The following TCERG1L variants were observed in gnomAD, a reference collection of about 807,000 sequenced individuals.
TCERG1L encodes the protein transcription elongation regulator 1-like protein.
TCERG1L carries 37 observed loss-of-function variants against 56.3 expected under a neutral mutation model. That is an observed-to-expected ratio of 0.66 (90% CI 0.51 to 0.87). The LOEUF is 0.87. Ranked by LOEUF, TCERG1L falls within the 40% of genes least tolerant of loss-of-function variation. The pLI is 0.00. For synonymous variants in TCERG1L, 324 were observed against 326.3 expected, an observed-to-expected ratio of 0.99 and a Z score of 0.08; for missense variants, 799 against 774.2, an observed-to-expected ratio of 1.03 and a Z score of -0.38.
In TCERG1L at chr10:131,311,499, G is replaced by A. The variant is rs1286509483; in HGVS notation, c.137C>T (p.Ser46Leu). The A allele has an allele frequency of 3.3e-6, 4 of 1,201,988 alleles. No individual in the cohort carries two copies. The highest frequency in any genetic ancestry group is 4.1e-6 in the Non-Finnish European group (4 of 966,560). 74.5% of individuals were successfully genotyped at this position (1,201,988 alleles called of 1,614,324 possible). A position where few individuals can be genotyped will look rare whatever the true frequency, so the allele number is the denominator to read the frequency against. ...PPPWVWMVPG[S>L]AGLLRLSAGV... ...CGCGCTGAGCCGGAGCAGCCCGGCC[G>A]AGCCCGGCACCATCCAGACCCAGGG... Residue 46 changes from serine (S) to leucine (L), a missense_variant, in exon 1 of 12, where the codon TCG becomes TTG. Coordinates refer to ENST00000368642, the MANE Select transcript of TCERG1L (RefSeq NM_174937.4). This position sits in a 1 kb window ranked among gnomAD's most constrained non-coding sequence, Gnocchi z 4.0.
chr10:131,123,749 A>C (rs1197349776), intron 8 of TCERG1L, among the ~76,000 whole-genome samples: 1 of 152,016 alleles, frequency 6.6e-6, no homozygotes, highest in African/African-American at 2.4e-5. Context: ...CTCTGGTAGC[A>C]CCCGGGGAGC....
chr10:131,127,833 G>A (rs746820291), intron 8 of TCERG1L, among the ~76,000 whole-genome samples: 6 of 152,108 alleles, frequency 3.9e-5, no homozygotes, highest in East Asian at 1.9e-4. Context: ...TCTTGTCACC[G>A]TCTCATCTAA....
chr10:131,146,992 T>C (rs1012897739), intron 6 of TCERG1L, among the ~76,000 whole-genome samples: 1 of 152,128 alleles, frequency 6.6e-6, no homozygotes, highest in Admixed American at 6.5e-5. Context: ...GAAATTCCAT[T>C]CCAGATGCAG....
At chr10:131,268,636 G>T (rs1279016859) in intron 3 of TCERG1L, among the ~76,000 whole-genome samples, 1 of 152,190 alleles carries the variant, frequency 6.6e-6, no homozygotes, top group Non-Finnish European at 1.5e-5. Flanking sequence ...CACCTTCATC[G>T]ACGCTCTTAG....
At chr10:131,162,116 G>A (rs957940633) in intron 6 of TCERG1L, 2 of 152,260 alleles carry the variant, frequency 1.3e-5, no homozygotes, top group African/African-American at 4.8e-5. Flanking sequence ...CAGCCAGAGG[G>A]ACTGACCCCA....
rs924600123 is a variant in TCERG1L at position 131,311,166 on chromosome 10, G to C, written c.342+128C>G. 1.4e-6 allele frequency: 1 copy of C among 714,752 alleles called. No individual in the cohort carries two copies. The highest frequency in any genetic ancestry group is 4.5e-5 in the East Asian group (1 of 22,044). 44.3% of individuals were successfully genotyped at this position (714,752 alleles called of 1,614,324 possible). On this transcript the variant is annotated intron_variant, in intron 1 of 11. Transcript: ENST00000368642. The surrounding 1 kb of genome is among the most constrained non-coding windows in gnomAD (Gnocchi z 4.0). ...CACGGCTGCCGGGCTCCGTCCTGAG[G>C]GTTTGGGGCGGCGAGGACCGCCGGG...
rs1010902012 is a variant in TCERG1L at position 131,119,958 on chromosome 10, C to T, written c.1260-3024G>A. Among the ~76,000 whole-genome samples, 2 of 152,156 alleles carry T rather than the reference C, an allele frequency of 1.3e-5. 1 individual carries two copies. The highest frequency in any genetic ancestry group is 4.1e-4 in the South Asian group (2 of 4,826). On this transcript the variant is annotated intron_variant, in intron 8 of 11. Transcript: ENST00000368642. ...TGAAAGGGGCCTGGTCTTGGCCAAC[C>T]TTTAACCAGGCTAGGTGCTCCTGAA...
In TCERG1L at chr10:131,166,871, G is replaced by C; in HGVS notation, c.871C>G (p.Arg291Gly). The change falls in exon 5 of 12, where the codon CGG becomes GGG. Residue 291 changes from arginine (R) to glycine (G), a missense_variant. Coordinates refer to ENST00000368642, the MANE Select transcript of TCERG1L (RefSeq NM_174937.4). ...TSPVSDTRTERGRVARPPALM... is the reference protein window; with the variant it reads ...TSPVSDTRTEGGRVARPPALM... ...GCAGGAGGGCGGGCCACTCGGCCCCGCTCTGTCCTTGTATCTGTTGGGCCA... is the reference window on the plus strand; with the variant it reads ...GCAGGAGGGCGGGCCACTCGGCCCCCCTCTGTCCTTGTATCTGTTGGGCCA... 1 of 1,612,170 alleles carries C rather than the reference G, an allele frequency of 6.2e-7. No individual in the cohort carries two copies. The highest frequency in any genetic ancestry group is 8.5e-7 in the Non-Finnish European group (1 of 1,179,800).
intron 4 of TCERG1L, among the ~76,000 whole-genome samples, chr10:131,207,057 T>C (rs1449111018): frequency 6.6e-6 from 1 of 152,144 alleles, no homozygotes; most frequent in Non-Finnish European, 1.5e-5. Flanking sequence ...AGAAAGTGCT[T>C]TGTCCTTTTC....
At chr10:131,152,918 G>A (rs539217407) in intron 6 of TCERG1L, among the ~76,000 whole-genome samples, 41 of 152,108 alleles carry the variant, frequency 2.7e-4, no homozygotes, top group Admixed American at 5.9e-4. Context: ...GAACTCACTC[G>A]CTATCAGGAG....
At chr10:131,184,143 G>A in intron 4 of TCERG1L, among the ~76,000 whole-genome samples, 1 of 152,204 alleles carries the variant, frequency 6.6e-6, no homozygotes, top group East Asian at 1.9e-4. Context: ...CCCTTGCCTT[G>A]CGAAGCCCAC....
chr10:131,260,493 G>A lies in TCERG1L; in HGVS notation c.671-49C>T. ...TCAGCAAGGGGACGACCAGGGCCAT[G>A]GGTGACAGATGCCCATCTCGCTACC... On this transcript the variant is annotated intron_variant, in intron 3 of 11. Coordinates refer to ENST00000368642, the MANE Select transcript of TCERG1L (RefSeq NM_174937.4). This position sits in a 1 kb window ranked among gnomAD's most constrained non-coding sequence, Gnocchi z 5.8. 1 of 1,347,640 alleles carries A rather than the reference G, an allele frequency of 7.4e-7. No individual in the cohort carries two copies. Among genetic ancestry groups the A allele is most frequent in the Non-Finnish European group, 9.6e-7 (1 of 1,046,040 alleles). The allele number at this position is 1,347,640 out of a possible 1,614,324, so 83.5% of individuals were successfully genotyped here. A position where few individuals can be genotyped will look rare whatever the true frequency, so the allele number is the denominator to read the frequency against.
intron 3 of TCERG1L, among the ~76,000 whole-genome samples, chr10:131,271,993 C>G (rs926449440): frequency 6.6e-6 from 1 of 152,138 alleles, no homozygotes; most frequent in African/African-American, 2.4e-5. Context: ...ACTCTTTGAC[C>G]AGGACAGTGA....
chr10:131,283,263 ACCTGTCTTAGGTCT>A (rs1846483586), intron 3 of TCERG1L, among the ~76,000 whole-genome samples: 1 of 152,112 alleles, frequency 6.6e-6, no homozygotes, highest in African/African-American at 2.4e-5. Context: ...TTCCCAGGAA[ACCTGTCTTAGGTCT>A]CCCTGAGAAC....
At chr10:131,225,860 A>T (rs1845785929) in intron 4 of TCERG1L, among the ~76,000 whole-genome samples, 1 of 152,206 alleles carries the variant, frequency 6.6e-6, no homozygotes, top group South Asian at 2.1e-4. Flanking sequence ...CTGTTCAGTC[A>T]TCTTAATGAT....
chr10:131,166,726 G>C (rs1314627596), intron 5 of TCERG1L, 71 bp downstream of exon 5: 1 of 1,448,554 alleles, frequency 6.9e-7, no homozygotes, highest in Non-Finnish European at 9.6e-7. Context: ...CAAGCGTGAG[G>C]GTGTCCTGGC....
intron 4 of TCERG1L, among the ~76,000 whole-genome samples, chr10:131,210,643 C>T (rs1845606663): frequency 1.3e-5 from 2 of 152,276 alleles, no homozygotes; most frequent in South Asian, 4.2e-4. Flanking sequence ...ATGTCTTGAG[C>T]TGTCCCGCAG....
At chr10:131,268,141 G>A (rs941433138) in intron 3 of TCERG1L, among the ~76,000 whole-genome samples, 2 of 152,210 alleles carry the variant, frequency 1.3e-5, no homozygotes, top group African/African-American at 4.8e-5. Context: ...GGTGCCCAGG[G>A]AGGGCTGGGC....
intron 3 of TCERG1L, among the ~76,000 whole-genome samples, chr10:131,306,076 C>A (rs1288146885): frequency 6.6e-6 from 1 of 151,948 alleles, no homozygotes; most frequent in Non-Finnish European, 1.5e-5. Flanking sequence ...AAAATTAAAA[C>A]GATTTACCTC....
Sources: allele counts gnomAD v4.1 joint callset (sites outside exome capture counted in the v4.1 genomes callset), GRCh38; gene constraint gnomAD v4.1.1; non-coding constraint Gnocchi (gnomAD v3.1); transcripts MANE v1.5; gene names NCBI Gene and HGNC (gene_info 2026-07-23, HGNC 2026-07-21).